TALDO1: variants seen among roughly 807,000 people sequenced by gnomAD.
The protein encoded by TALDO1 is transaldolase 1.
TALDO1 carries 29 observed loss-of-function variants against 38.1 expected under a neutral mutation model. That is an observed-to-expected ratio of 0.76 (90% CI 0.57 to 1.04). The LOEUF (loss-of-function observed/expected upper bound fraction) is 1.04. TALDO1 is among the 50% of genes least tolerant of loss of function. The pLI, the probability that TALDO1 is intolerant of heterozygous loss-of-function variation, is 0.00. For synonymous variants in TALDO1, 207 were observed against 176.8 expected, an observed-to-expected ratio of 1.17 and a Z score of -1.36; for missense variants, 499 against 438.1, an observed-to-expected ratio of 1.14 and a Z score of -1.24.
intron 1 of TALDO1, among the ~76,000 whole-genome samples, chr11:749,110 T>TAAA (rs1862707324): frequency 6.6e-6 from 1 of 152,132 alleles, no homozygotes; most frequent in Non-Finnish European, 1.5e-5. Flanking sequence ...TATTGTTTTT[T>TAAA]AAGAAAACTT....
At chr11:761,944 G>C (rs1055714783) in intron 4 of TALDO1, among the ~76,000 whole-genome samples, 1 of 151,156 alleles carries the variant, frequency 6.6e-6, no homozygotes, top group African/African-American at 2.4e-5. Context: ...GAGCCATTGT[G>C]CCTGGCCTCA....
At chr11:761,335 CAAAAAAAA>C in intron 4 of TALDO1, among the ~76,000 whole-genome samples, 1 of 82,076 alleles carries the variant, frequency 1.2e-5, no homozygotes, top group South Asian at 4.2e-4. Context: ...GACTCCATCT[CAAAAAAAA>C]AAAAAAAAAA....
intron 4 of TALDO1, among the ~76,000 whole-genome samples, chr11:761,173 A>C (rs1264664322): frequency 6.6e-6 from 1 of 151,986 alleles, no homozygotes. Context: ...GTCTCTACCA[A>C]AACTACAAAA....
chr11:762,708 C>A (rs1031510098), intron 4 of TALDO1, among the ~76,000 whole-genome samples: 1 of 152,264 alleles, frequency 6.6e-6, no homozygotes, highest in Non-Finnish European at 1.5e-5. Flanking sequence ...AGCCACATGG[C>A]AAAGTATGGG....
intron 2 of TALDO1, among the ~76,000 whole-genome samples, chr11:758,445 G>GA (rs758283754): frequency 3.6e-4 from 53 of 147,330 alleles, no homozygotes; most frequent in Non-Finnish European, 4.5e-4. Flanking sequence ...CTGTCTTGGG[G>GA]GAAAAAAAAA....
chr11:759,796 G>C lies in TALDO1; in HGVS notation c.330-326G>C, dbSNP rs547016086. Among the ~76,000 whole-genome samples the C allele has an allele frequency of 1.1e-4, 16 of 152,278 alleles. No individual in the cohort carries two copies. In the East Asian group the frequency reaches 2.3e-3, roughly 22 times the overall value. ...AGGGTTTCACCATGTTGGCCAGGAT[G>C]GTCTCGATCCCTTGACCTTGTGATC... On this transcript the variant is annotated intron_variant, in intron 3 of 7. Transcript: ENST00000319006.
At chr11:760,280 C>T in intron 4 of TALDO1, 27 bp downstream of exon 4, 7 of 1,612,654 alleles carry the variant, frequency 4.3e-6, no homozygotes, top group Non-Finnish European at 5.9e-6. Context: ...AAGGAAGGAG[C>T]TCTCAGAGAT....
intron 7 of TALDO1, 52 bp downstream of exon 7, chr11:764,485 G>A: frequency 1.2e-6 from 2 of 1,600,616 alleles, no homozygotes; most frequent in Non-Finnish European, 1.7e-6. Flanking sequence ...GAGAGCCCGG[G>A]CCTGGGCGTC....
chr11:747,630 G>A (rs1288523999), intron 1 of TALDO1, 52 bp downstream of exon 1: 3 of 1,458,022 alleles, frequency 2.1e-6, no homozygotes, highest in East Asian at 2.7e-5. Context: ...CAGAGGCCCC[G>A]GCGCCCCGAT....
Position 763,335 on chromosome 11 carries a change from G to C in TALDO1, c.462-9G>C. 8 of 1,480,290 alleles carry C rather than the reference G, an allele frequency of 5.4e-6. No individual in the cohort carries two copies. Among genetic ancestry groups the C allele is most frequent in the East Asian group, 6.1e-5 (2 of 33,048 alleles). 91.7% of individuals were successfully genotyped at this position (1,480,290 alleles called of 1,614,324 possible). ...ACCTGCCCCGCCCTCACCTGTCCCC[G>C]CCCCGCAGGGAGCTCGAGGAGCAGC... On this transcript the variant is annotated splice_polypyrimidine_tract_variant and intron_variant, in intron 4 of 7. Coordinates refer to ENST00000319006, the MANE Select transcript of TALDO1 (RefSeq NM_006755.2).
At position 764,513 on chromosome 11, in the gene TALDO1, G is replaced by C. The variant is rs1398320813; in HGVS notation, c.981+80G>C. 6 of 1,568,558 alleles carry C rather than the reference G, an allele frequency of 3.8e-6. No individual in the cohort carries two copies. The Admixed American group carries it at 9.6e-5, about 25-fold the overall frequency. On this transcript the variant is annotated intron_variant, in intron 7 of 7. Coordinates refer to ENST00000319006, the MANE Select transcript of TALDO1 (RefSeq NM_006755.2). ...TGGGCGTCGGGGTTCAAGCTGGGCA[G>C]AGTTAAAACTTTGGTGAGACCCCAG... is the stretch of plus-strand genomic sequence containing the variant.
chr11:763,011 G>A (rs1418175014), intron 4 of TALDO1, among the ~76,000 whole-genome samples: 2 of 152,192 alleles, frequency 1.3e-5, no homozygotes, highest in Non-Finnish European at 2.9e-5. Flanking sequence ...TGTCTATTGT[G>A]TCATGTGGGT....
Position 760,171 on chromosome 11 carries a change from G to A in TALDO1, c.379G>A (p.Glu127Lys), listed in dbSNP as rs1225410619. The A allele has an allele frequency of 2.5e-6, 4 of 1,614,052 alleles. No individual in the cohort carries two copies. The highest frequency in any genetic ancestry group is 1.3e-5 in the African/African-American group (1 of 74,922). Residue 127 changes from glutamate to lysine, a missense_variant, in exon 4 of 8, where the codon GAG becomes AAG. Transcript: ENST00000319006. ...GGTGGCCAGAGCCAGGCGGCTCATCGAGCTCTACAAGGAAGCTGGGATCAG... is the reference window on the plus strand; with the variant it reads ...GGTGGCCAGAGCCAGGCGGCTCATCAAGCTCTACAAGGAAGCTGGGATCAG... ...AMVARARRLIELYKEAGISKD... is the reference protein window; with the variant it reads ...AMVARARRLIKLYKEAGISKD...
intron 1 of TALDO1, among the ~76,000 whole-genome samples, chr11:755,317 T>G (rs1422138384): frequency 6.6e-6 from 1 of 152,042 alleles, no homozygotes; most frequent in African/African-American, 2.4e-5. Context: ...GCTAGTTTTT[T>G]GTATTTTTAG....
rs1181058238 is a variant in TALDO1, at chr11:760,417, G to A, written c.461+164G>A. ...GACCAGCTCATGTCAGCCTAGATCT[G>A]CCCTCTGCTCCAGAGCCAGCTCCCT... is the stretch of plus-strand genomic sequence containing the variant. On this transcript the variant is annotated intron_variant, in intron 4 of 7. Transcript: ENST00000319006. 4 of 1,028,002 alleles carry A rather than the reference G, an allele frequency of 3.9e-6. No individual in the cohort carries two copies. In the African/African-American group the frequency reaches 6.4e-5, roughly 16 times the overall value. 63.7% of individuals were successfully genotyped at this position (1,028,002 alleles called of 1,614,324 possible).
chr11:752,232 C>T (rs1178386212), intron 1 of TALDO1: 1 of 146,278 alleles, frequency 6.8e-6, no homozygotes, highest in African/African-American at 2.7e-5. Context: ...ACCACGCCCA[C>T]CTAATTTTTT....
At position 763,459 on chromosome 11, in the gene TALDO1, A is replaced by G. The variant is rs1468596757; in HGVS notation, c.577A>G (p.Ile193Val). The G allele has an allele frequency of 1.2e-6, 2 of 1,613,092 alleles. No homozygotes were observed. The highest frequency in any genetic ancestry group is 1.7e-6 in the Non-Finnish European group (2 of 1,179,838). Reference sequence around the variant, plus strand: ...CCTCATCTCCCCATTTGTTGGGCGCATCCTTGATTGGCATGTGGCAAACAC... The same window carrying G: ...CCTCATCTCCCCATTTGTTGGGCGCGTCCTTGATTGGCATGTGGCAAACAC... The part of the protein sequence containing the change: ...VTLISPFVGR[I>V]LDWHVANTDK... The change falls in exon 5 of 8, where the codon ATC (isoleucine) becomes GTC (valine). Residue 193 changes from isoleucine (I) to valine (V), a missense_variant. By Grantham distance (29) the Ile-to-Val change is conservative. Coordinates refer to ENST00000319006, the MANE Select transcript of TALDO1 (RefSeq NM_006755.2).
rs762613889 is a variant in TALDO1, at chr11:763,926, G to T, written c.817G>T (p.Val273Leu). Residue 273 changes from valine (V) to leucine (L), a missense_variant, in exon 6 of 8, where the codon GTG becomes TTG. Val to Leu is a conservative substitution (Grantham distance 32). Coordinates refer to ENST00000319006, the MANE Select transcript of TALDO1 (RefSeq NM_006755.2). ...GCAGGACAACGCCAAGCTGGTGCCT[G>T]TGCTCTCAGCCAAGGCGGGTGAGGC... is the stretch of plus-strand genomic sequence containing the variant. Reference protein sequence around the residue: ...LLQDNAKLVPVLSAKAAQASD... With the variant: ...LLQDNAKLVPLLSAKAAQASD... 7 of 1,610,538 alleles carry T rather than the reference G, an allele frequency of 4.3e-6. No homozygotes were observed. The African/African-American group carries it at 5.3e-5, about 12-fold the overall frequency.
chr11:760,042 C>T, intron 3 of TALDO1, 80 bp from the exon 4 acceptor site: 1 of 1,597,918 alleles, frequency 6.3e-7, no homozygotes, highest in Non-Finnish European at 8.5e-7. Context: ...AACTGACAGG[C>T]AGACACCCGG....
Sources: gnomAD v4.1 joint callset for allele counts (sites outside exome capture counted in the v4.1 genomes callset) on GRCh38, gnomAD v4.1.1 for gene constraint, MANE v1.5 for transcripts, NCBI Gene and HGNC (gene_info 2026-07-23, HGNC 2026-07-21) for gene names.